BACH2: variants seen among roughly 807,000 people sequenced by gnomAD.
BACH2 encodes the protein BACH transcriptional regulator 2.
BACH2 carries 5 observed loss-of-function variants against 61.8 expected under a neutral mutation model. The observed-to-expected ratio is 0.08, with a 90% CI of 0.04 to 0.17. The LOEUF is 0.17. Among genes scored for constraint, BACH2 ranks in the 10% least tolerant of loss-of-function variants. The pLI, the probability that BACH2 is intolerant of heterozygous loss-of-function variation, is 1.00. For synonymous variants in BACH2, 446 were observed against 440.1 expected (o/e 1.01, Z -0.17); for missense variants, 824 against 1,091.1 (o/e 0.76, Z 3.45).
At chr6:90,148,613 T>C (rs1421247094) in intron 4 of BACH2, among the ~76,000 whole-genome samples, 1 of 152,086 alleles carries the variant, frequency 6.6e-6, no homozygotes, top group African/African-American at 2.4e-5. Context: ...AGTGACATGG[T>C]AAAAATTGAA....
chr6:89,985,513 G>A (rs1219296802), intron 6 of BACH2, among the ~76,000 whole-genome samples: 1 of 152,200 alleles, frequency 6.6e-6, no homozygotes, highest in South Asian at 2.1e-4. Flanking sequence ...CCGTCCATCC[G>A]GCACTCCTGG....
At chr6:90,095,322 T>C (rs889303921) in intron 4 of BACH2, among the ~76,000 whole-genome samples, 2 of 152,176 alleles carry the variant, frequency 1.3e-5, no homozygotes, top group African/African-American at 2.4e-5. Context: ...CTTGTGGCTT[T>C]TGTGTTTTAT....
intron 6 of BACH2, among the ~76,000 whole-genome samples, chr6:89,961,452 A>G (rs562549723): frequency 5.3e-5 from 8 of 152,296 alleles, no homozygotes; most frequent in Non-Finnish European, 7.4e-5. Context: ...AGAAAAAATT[A>G]CCTAATTTCC....
intron 6 of BACH2, among the ~76,000 whole-genome samples, chr6:89,979,529 T>C (rs775827572): frequency 1.5e-4 from 23 of 152,092 alleles, no homozygotes; most frequent in Non-Finnish European, 2.5e-4. Context: ...CAAATGGCCA[T>C]TTCCCATCTA....
intron 2 of BACH2, among the ~76,000 whole-genome samples, chr6:90,270,245 T>C (rs1352662358): frequency 1.3e-5 from 2 of 152,206 alleles, no homozygotes; most frequent in Non-Finnish European, 1.5e-5. Context: ...GGGTAGATAA[T>C]AGTGGGATTG....
At chr6:90,271,366 T>TAAAAAAAAAAAAAAAAAA (rs3073450) in intron 2 of BACH2, among the ~76,000 whole-genome samples, 1 of 103,816 alleles carries the variant, frequency 9.6e-6, no homozygotes, top group Non-Finnish European at 1.9e-5. Context: ...CAACCCCATT[T>TAAAAAAAAAAAAAAAAAA]AAAAAAAAAA....
intron 6 of BACH2, among the ~76,000 whole-genome samples, chr6:89,990,610 G>A (rs945182867): frequency 6.6e-6 from 1 of 151,630 alleles, no homozygotes; most frequent in African/African-American, 2.4e-5. Context: ...ACCTTGGCTG[G>A]TCTCTCTCCT....
intron 3 of BACH2, among the ~76,000 whole-genome samples, chr6:90,239,561 A>C (rs1770367952): frequency 6.6e-6 from 1 of 152,176 alleles, no homozygotes. Flanking sequence ...TCACTTTAAA[A>C]ATTATTTATG....
chr6:90,039,220 T>G (rs1779409226), intron 5 of BACH2, among the ~76,000 whole-genome samples: 1 of 152,220 alleles, frequency 6.6e-6, no homozygotes, highest in South Asian at 2.1e-4. Flanking sequence ...TATGTGTTAT[T>G]ATAAACAAGG....
intron 3 of BACH2, among the ~76,000 whole-genome samples, chr6:90,233,266 GGTAAA>G (rs1387639819): frequency 8.5e-5 from 13 of 152,266 alleles, no homozygotes; most frequent in African/African-American, 2.9e-4. Context: ...AGTTCCCTGT[GGTAAA>G]GTATTTATTG....
chr6:90,126,783 G>T (rs1268212003), intron 4 of BACH2, among the ~76,000 whole-genome samples: 4 of 152,230 alleles, frequency 2.6e-5, no homozygotes, highest in Non-Finnish European at 4.4e-5. Context: ...ACAGCAAGAA[G>T]TGGCCAGATG....
At chr6:90,069,865 G>T (rs1037087540) in intron 5 of BACH2, among the ~76,000 whole-genome samples, 3 of 152,136 alleles carry the variant, frequency 2.0e-5, no homozygotes, top group African/African-American at 7.2e-5. Flanking sequence ...CCATGCTAAG[G>T]TGACAGGGAA....
chr6:90,215,328 CCAAA>C (rs766857555), intron 3 of BACH2, among the ~76,000 whole-genome samples: 17 of 152,112 alleles, frequency 1.1e-4, no homozygotes, highest in African/African-American at 2.2e-4. Flanking sequence ...ACTTAAAGCC[CCAAA>C]CAGACTGGGG....
chr6:90,288,850 C>CA (rs1419095483), intron 1 of BACH2, among the ~76,000 whole-genome samples: 4 of 151,658 alleles, frequency 2.6e-5, no homozygotes, highest in East Asian at 1.9e-4. Context: ...TCCTACCCAC[C>CA]AAAAAAACAA....
At chr6:90,227,622 T>C (rs919273610) in intron 3 of BACH2, among the ~76,000 whole-genome samples, 3 of 152,172 alleles carry the variant, frequency 2.0e-5, no homozygotes, top group Non-Finnish European at 2.9e-5. Context: ...CAGACAGAAT[T>C]AGAAATTCTT....
intron 1 of BACH2, among the ~76,000 whole-genome samples, chr6:90,279,129 T>C (rs933305692): frequency 1.3e-5 from 2 of 152,058 alleles, no homozygotes; most frequent in African/African-American, 4.8e-5. Flanking sequence ...GGTTTAGAGT[T>C]CAAGCTAGAA....
intron 4 of BACH2, among the ~76,000 whole-genome samples, chr6:90,128,353 C>T (rs1046727158): frequency 2.0e-5 from 3 of 152,188 alleles, no homozygotes; most frequent in South Asian, 2.1e-4. Flanking sequence ...GAGGCCGAGG[C>T]GGGTGGATCA....
At position 90,096,344 on chromosome 6, in the gene BACH2, T is replaced by C. The variant is rs575318511; in HGVS notation, c.-161-7235A>G. ...TCCTTCACTAGGTCTAGTTCAAATA[T>C]GTCACTTGCAGAGACACTGTCCTTA... On this transcript the variant is annotated intron_variant, in intron 4 of 8. Coordinates refer to ENST00000257749, the MANE Select transcript of BACH2 (RefSeq NM_021813.4). Among the ~76,000 whole-genome samples, 23 of 152,340 alleles carry C rather than the reference T, an allele frequency of 1.5e-4. No individual in the cohort carries two copies. The South Asian group carries it at 3.1e-3, about 21-fold the overall frequency.
chr6:90,271,899 A>T lies in BACH2; in HGVS notation c.-403T>A, dbSNP rs1419881095. Reference sequence around the variant, plus strand: ...CTTGGTCCCAAATGATGTCTTCAGTAGGTGGCGAAATGTTAAAACTGGGAG... The same window carrying T: ...CTTGGTCCCAAATGATGTCTTCAGTTGGTGGCGAAATGTTAAAACTGGGAG... On this transcript the variant is annotated 5_prime_UTR_variant, in exon 2 of 9. Transcript: ENST00000257749. 6.6e-6 allele frequency: 1 copy of T among 152,334 alleles called. No homozygotes were observed. The highest frequency in any genetic ancestry group is 6.5e-5 in the Admixed American group (1 of 15,282). The allele number at this position is 152,334 out of a possible 1,614,324, so 9.4% of individuals were successfully genotyped here.
Sources: allele counts gnomAD v4.1 joint callset (sites outside exome capture counted in the v4.1 genomes callset), GRCh38; gene constraint gnomAD v4.1.1; transcripts MANE v1.5; gene names NCBI Gene and HGNC (gene_info 2026-07-23, HGNC 2026-07-21).